Variants in HDAC9 observed in about 807,000 individuals in gnomAD.
HDAC9 encodes the protein MEF-2 interacting transcription repressor (MITR) protein.
A neutral mutation model predicts 139.4 loss-of-function variants in HDAC9; 41 were observed. That is an observed-to-expected ratio of 0.29 (90% confidence interval 0.23 to 0.38). HDAC9 has a LOEUF of 0.38. HDAC9 is among the 10% of genes least tolerant of loss of function. HDAC9 has a pLI of 1.00. For missense variants in HDAC9, 1,147 were observed against 1,297.0 expected, an observed-to-expected ratio of 0.88 and a Z score of 1.78; for synonymous variants, 517 against 476.2, an observed-to-expected ratio of 1.09 and a Z score of -1.12.
intron 2 of HDAC9, among the ~76,000 whole-genome samples, chr7:18,282,605 T>C (rs931982620): frequency 1.3e-5 from 2 of 152,162 alleles, no homozygotes; most frequent in East Asian, 3.9e-4. Flanking sequence ...AGAATTCTGC[T>C]CACTTGGATT....
At chr7:18,907,980 T>G (rs1195336845) in intron 22 of HDAC9, among the ~76,000 whole-genome samples, 1 of 152,162 alleles carries the variant, frequency 6.6e-6, no homozygotes, top group South Asian at 2.1e-4. Flanking sequence ...TTTTCCAGGA[T>G]AGAATGTTTT....
At chr7:18,156,477 A>G (rs1787211397) in intron 1 of HDAC9, among the ~76,000 whole-genome samples, 1 of 152,168 alleles carries the variant, frequency 6.6e-6, no homozygotes, top group South Asian at 2.1e-4. Flanking sequence ...AGAAATCTAT[A>G]CTAACAAACT....
In HDAC9 at chr7:18,762,383, A is replaced by T; in HGVS notation, c.2164+106A>T. On this transcript the variant is annotated intron_variant, in intron 15 of 25. Coordinates refer to ENST00000686413, the MANE Select transcript of HDAC9 (RefSeq NM_178425.4). ...TTGGCAAGTAGTGCAACAAAAAATC[A>T]GTTTTTCCAACAGCTTTGCTCTGTG... 3.1e-6 allele frequency: 4 copies of T among 1,306,010 alleles called. No individual in the cohort carries two copies. In the South Asian group the frequency reaches 5.5e-5, roughly 18 times the overall value. The allele number at this position is 1,306,010 out of a possible 1,614,324, so 80.9% of individuals were successfully genotyped here.
chr7:18,092,503 C>T (rs1782235987), intron 1 of HDAC9, among the ~76,000 whole-genome samples: 1 of 151,588 alleles, frequency 6.6e-6, no homozygotes, highest in South Asian at 2.1e-4. Context: ...AGAATTTGTC[C>T]TGTGAGGTAC....
chr7:18,194,749 A>G (rs1220584174), intron 2 of HDAC9, among the ~76,000 whole-genome samples: 1 of 152,184 alleles, frequency 6.6e-6, no homozygotes, highest in Non-Finnish European at 1.5e-5. Context: ...CTTATTGAGC[A>G]AATTCTGTTT....
chr7:18,463,379 G>A (rs1794012309), intron 1 of HDAC9, among the ~76,000 whole-genome samples: 1 of 151,910 alleles, frequency 6.6e-6, no homozygotes, highest in Non-Finnish European at 1.5e-5. Flanking sequence ...TGTGGGGCAA[G>A]GGGAGGTTTT....
chr7:18,320,439 G>A (rs1363717856), intron 1 of HDAC9, among the ~76,000 whole-genome samples: 1 of 152,162 alleles, frequency 6.6e-6, no homozygotes, highest in Non-Finnish European at 1.5e-5. Context: ...CGGCTCTCCT[G>A]TCCAACCTTG....
At chr7:18,198,697 A>T (rs1310979243) in intron 2 of HDAC9, among the ~76,000 whole-genome samples, 1 of 152,184 alleles carries the variant, frequency 6.6e-6, no homozygotes, top group Non-Finnish European at 1.5e-5. Context: ...CTAATTGTAC[A>T]ATTTGAAATA....
chr7:18,924,611 T>A (rs182089014), intron 22 of HDAC9, among the ~76,000 whole-genome samples: 377 of 152,260 alleles, frequency 2.5e-3, no homozygotes, highest in Middle Eastern at 0.014. Context: ...GCGGTTTTGT[T>A]TTTCTACCAT....
chr7:18,701,420 A>C lies in HDAC9; in HGVS notation c.1732-26160A>C, dbSNP rs201983927. ...TTTAAAAAAAAACAAAACAAACAAAAAAAAAAAACACAACTGTACTATAGT... is the reference window on the plus strand; with the variant it reads ...TTTAAAAAAAAACAAAACAAACAAACAAAAAAAACACAACTGTACTATAGT... On this transcript the variant is annotated intron_variant, in intron 12 of 25. Coordinates refer to ENST00000686413, the MANE Select transcript of HDAC9 (RefSeq NM_178425.4). 4.9e-3 allele frequency among the ~76,000 whole-genome samples: 749 copies of C among 151,984 alleles called. 7 individuals are homozygous for C. Among genetic ancestry groups the C allele is most frequent in the East Asian group, 0.027 (142 of 5,168 alleles).
chr7:18,920,488 C>G (rs1005197162), intron 22 of HDAC9, among the ~76,000 whole-genome samples: 1 of 152,036 alleles, frequency 6.6e-6, no homozygotes, highest in East Asian at 1.9e-4. Context: ...CCTTTATTTC[C>G]TTCTCCTGCC....
At chr7:18,966,779 G>T (rs1331824334) in intron 24 of HDAC9, among the ~76,000 whole-genome samples, 2 of 152,094 alleles carry the variant, frequency 1.3e-5, no homozygotes, top group Non-Finnish European at 2.9e-5. Context: ...AATAAAGTAT[G>T]TTCAGGAAAT....
At chr7:18,215,677 A>C (rs2128171704) in intron 2 of HDAC9, among the ~76,000 whole-genome samples, 1 of 152,224 alleles carries the variant, frequency 6.6e-6, no homozygotes, top group Middle Eastern at 3.4e-3. Context: ...GTAGTCCCCG[A>C]ATAGTGGGGC....
chr7:18,119,627 C>G (rs1246441260), intron 1 of HDAC9, among the ~76,000 whole-genome samples: 1 of 152,194 alleles, frequency 6.6e-6, no homozygotes, highest in African/African-American at 2.4e-5. Flanking sequence ...TGGGAAAACA[C>G]ACTTGGATAG....
intron 22 of HDAC9, among the ~76,000 whole-genome samples, chr7:18,911,313 G>A (rs367688580): frequency 6.6e-5 from 10 of 151,824 alleles, no homozygotes; most frequent in African/African-American, 2.4e-4. Flanking sequence ...TTGTATAGTT[G>A]TATAGTTGGT....
chr7:18,948,993 A>G (rs1782597067), intron 23 of HDAC9: 3 of 393,702 alleles, frequency 7.6e-6, no homozygotes, highest in South Asian at 2.1e-5. Flanking sequence ...TTGGTTTCCA[A>G]TTTGGGAAGA....
intron 2 of HDAC9, among the ~76,000 whole-genome samples, chr7:18,180,796 A>G (rs549908605): frequency 6.6e-6 from 1 of 152,348 alleles, no homozygotes; most frequent in East Asian, 1.9e-4. Flanking sequence ...ACAGTTCCAG[A>G]AGCCAGAAGT....
chr7:18,501,651 C>T (rs758084457), intron 2 of HDAC9, among the ~76,000 whole-genome samples: 4 of 151,966 alleles, frequency 2.6e-5, no homozygotes, highest in African/African-American at 4.8e-5. Context: ...CATCCATCTC[C>T]TGAAGAATTC....
At chr7:18,832,947 G>T (rs1283225187) in intron 19 of HDAC9, among the ~76,000 whole-genome samples, 2 of 151,972 alleles carry the variant, frequency 1.3e-5, no homozygotes, top group African/African-American at 4.8e-5. Flanking sequence ...TGTAGGTCAG[G>T]CTGGTCTCGA....
Sources: gnomAD v4.1 joint callset for allele counts (sites outside exome capture counted in the v4.1 genomes callset) on GRCh38, gnomAD v4.1.1 for gene constraint, MANE v1.5 for transcripts, NCBI Gene and HGNC (gene_info 2026-07-23, HGNC 2026-07-21) for gene names.